THOC2: variants seen among roughly 807,000 people sequenced by gnomAD.
THOC2 encodes THO complex 2.
Under a neutral mutation model 128.4 loss-of-function variants are expected in THOC2, and 10 were observed. That is an observed-to-expected ratio of 0.08 (90% CI 0.05 to 0.13). The LOEUF (loss-of-function observed/expected upper bound fraction) is 0.13. THOC2 is among the 10% of genes least tolerant of loss of function. The probability of loss-of-function intolerance (pLI) is 1.00; values close to 1 mark genes in which losing one functional copy is unlikely to be tolerated. For missense variants in THOC2, 535 were observed against 1,155.7 expected, an observed-to-expected ratio of 0.46 and a Z score of 7.79; for synonymous variants, 393 against 396.9, an observed-to-expected ratio of 0.99 and a Z score of 0.12.
chrX:123,625,777 A>C, intron 25 of THOC2, 135 bp downstream of exon 25: 1 of 634,415 alleles, frequency 1.6e-6, no homozygotes, highest in South Asian at 2.8e-5. Flanking sequence ...AGAAAGTAGT[A>C]GAGCTAGGAT....
chrX:123,726,278 ACT>A (rs1337439176), intron 1 of THOC2, among the ~76,000 whole-genome samples: 1 of 110,239 alleles, frequency 9.1e-6, no homozygotes, highest in Non-Finnish European at 1.9e-5. Context: ...GAATAAAGTA[ACT>A]CATCTTTCCC....
intron 32 of THOC2, 162 bp from the exon 33 acceptor site, chrX:123,619,598 CATGTA>C (rs1349599428): frequency 4.2e-6 from 2 of 476,526 alleles, no homozygotes; most frequent in Non-Finnish European, 3.5e-6. Context: ...TAAAAAAAAA[CATGTA>C]ATGGAATTGG....
At chrX:123,707,256 C>T (rs1267256961) in intron 2 of THOC2, among the ~76,000 whole-genome samples, 2 of 111,041 alleles carry the variant, frequency 1.8e-5, no homozygotes, top group African/African-American at 3.3e-5. Context: ...CTGATTCCCC[C>T]CAAAACAATT....
chrX:123,711,065 C>G (rs1203546494), intron 2 of THOC2, among the ~76,000 whole-genome samples: 1 of 102,321 alleles, frequency 9.8e-6, no homozygotes, highest in Non-Finnish European at 2.0e-5. Context: ...GTCACCCAGG[C>G]TGGAGTGCAG....
intron 1 of THOC2, 80 bp downstream of exon 1, chrX:123,732,872 A>T: frequency 9.6e-7 from 1 of 1,037,719 alleles, no homozygotes; most frequent in South Asian, 1.9e-5. Flanking sequence ...TTTCCCCCTC[A>T]ACCTCCCACT....
intron 4 of THOC2, among the ~76,000 whole-genome samples, chrX:123,701,668 T>A (rs914925003): frequency 9.2e-6 from 1 of 108,453 alleles, no homozygotes; most frequent in Non-Finnish European, 1.9e-5. Flanking sequence ...TTAACTGAAA[T>A]TTGTTTCATG....
chrX:123,656,173 A>C (rs1489280174), intron 12 of THOC2, among the ~76,000 whole-genome samples: 1 of 108,072 alleles, frequency 9.3e-6, no homozygotes, highest in Non-Finnish European at 1.9e-5. Context: ...AAGTACAAAA[A>C]TTAGCTGGGT....
intron 8 of THOC2, 98 bp from the exon 9 acceptor site, chrX:123,671,859 C>G: frequency 2.4e-6 from 1 of 420,319 alleles, no homozygotes; most frequent in Non-Finnish European, 4.0e-6. Context: ...AGATCAAATA[C>G]TCTAGGCCAA....
intron 4 of THOC2, among the ~76,000 whole-genome samples, chrX:123,700,520 G>A (rs926339129): frequency 1.3e-5 from 1 of 77,656 alleles, no homozygotes; most frequent in Non-Finnish European, 2.4e-5. Context: ...GGCTGGGGGC[G>A]GCGGGGGGGA....
chrX:123,656,911 A>G (rs1044673319), intron 12 of THOC2, among the ~76,000 whole-genome samples: 5 of 100,001 alleles, frequency 5.0e-5, no homozygotes, highest in Non-Finnish European at 1.0e-4. Context: ...TAGAGAGGCT[A>G]AGGCAGGAGA....
intron 12 of THOC2, among the ~76,000 whole-genome samples, chrX:123,645,949 CAAA>C (rs34625161): frequency 1.1e-5 from 1 of 91,028 alleles, no homozygotes; most frequent in African/African-American, 4.0e-5. Flanking sequence ...ACAACAAGAG[CAAA>C]AAAAAAAAAA....
intron 12 of THOC2, among the ~76,000 whole-genome samples, chrX:123,650,634 C>CA (rs2048315420): frequency 9.0e-6 from 1 of 110,560 alleles, no homozygotes. Flanking sequence ...AAATAGAAAG[C>CA]AAAAAAAGCA....
intron 7 of THOC2, among the ~76,000 whole-genome samples, chrX:123,688,363 G>A (rs908307917): frequency 8.0e-5 from 9 of 112,047 alleles, no homozygotes; most frequent in African/African-American, 2.6e-4. Context: ...AAATAAGCCA[G>A]ACAAAAACAG....
At chrX:123,691,145 G>T (rs1193012976) in intron 7 of THOC2, among the ~76,000 whole-genome samples, 1 of 111,858 alleles carries the variant, frequency 8.9e-6, no homozygotes, top group Non-Finnish European at 1.9e-5. Context: ...CCAAAAGGCA[G>T]ATGTTGCAGT....
chrX:123,616,043 T>C (rs1335294198), intron 33 of THOC2, among the ~76,000 whole-genome samples: 1 of 111,184 alleles, frequency 9.0e-6, no homozygotes, highest in East Asian at 2.8e-4. Flanking sequence ...CTCCCTAACA[T>C]CTGTCCTTTC....
In THOC2 at chrX:123,600,781, A is replaced by C. The variant is rs916834454; in HGVS notation, c.*576T>G. 8.9e-6 allele frequency: 1 copy of C among 112,223 alleles called. No homozygotes were observed. The highest frequency in any genetic ancestry group is 1.9e-5 in the Non-Finnish European group (1 of 53,177). The allele number at this position is 112,223 out of a possible 1,213,427, so 9.2% of individuals were successfully genotyped here. ...TAATTACAAGAAAAAATGGCAAGGGACAAGTGATCGCTGGTACCTTTTTCT... is the reference window on the plus strand; with the variant it reads ...TAATTACAAGAAAAAATGGCAAGGGCCAAGTGATCGCTGGTACCTTTTTCT... On this transcript the variant is annotated 3_prime_UTR_variant, in exon 39 of 39. Coordinates refer to ENST00000245838, the MANE Select transcript of THOC2 (RefSeq NM_001081550.2).
chrX:123,714,139 A>G (rs2051311240), intron 1 of THOC2, among the ~76,000 whole-genome samples: 1 of 112,548 alleles, frequency 8.9e-6, no homozygotes, highest in African/African-American at 3.2e-5. Context: ...CAGAAGAGCT[A>G]CAACACAGAA....
chrX:123,623,811 G>A lies in THOC2; in HGVS notation c.3479C>T (p.Pro1160Leu). The A allele has an allele frequency of 1.7e-6, 2 of 1,208,879 alleles. No individual in the cohort carries two copies. The highest frequency in any genetic ancestry group is 2.2e-6 in the Non-Finnish European group (2 of 894,368). The change falls in exon 28 of 39, where the codon CCA (proline) becomes CTA (leucine). Residue 1160 changes from proline (P) to leucine (L), a missense_variant. Physicochemically the swap from Pro to Leu is moderately conservative, Grantham distance 98. Transcript: ENST00000245838. ...CCCCATAGCCAATGCATATAGATCT[G>A]GCCTCTTCTCTTTTTCTTCTTGGCA... ...KICQEEKEKR[P>L]DLYALAMGYS...
intron 33 of THOC2, among the ~76,000 whole-genome samples, chrX:123,616,430 C>T (rs1248310130): frequency 1.8e-5 from 2 of 110,898 alleles, no homozygotes; most frequent in East Asian, 2.8e-4. Context: ...TCTTGACATT[C>T]GGATCATTAA....
Sources: allele counts gnomAD v4.1 joint callset (sites outside exome capture counted in the v4.1 genomes callset), GRCh38; gene constraint gnomAD v4.1.1; transcripts MANE v1.5; gene names NCBI Gene and HGNC (gene_info 2026-07-23, HGNC 2026-07-21).